EIF5: variants seen among roughly 807,000 people sequenced by gnomAD.
EIF5 encodes eukaryotic translation initiation factor 5.
In EIF5, 10 loss-of-function variants were observed where a neutral mutation model predicts 48.3. That is an observed-to-expected ratio of 0.21 (90% CI 0.13 to 0.35). The LOEUF (loss-of-function observed/expected upper bound fraction) is 0.35, where lower values mean the gene tolerates loss of function less well. EIF5 is among the 10% of genes least tolerant of loss of function. The pLI, the probability that EIF5 is intolerant of heterozygous loss-of-function variation, is 1.00. For synonymous variants in EIF5, 237 were observed against 173.1 expected, an observed-to-expected ratio of 1.37 and a Z score of -2.90; for missense variants, 397 against 533.2, an observed-to-expected ratio of 0.74 and a Z score of 2.51.
At chr14:103,339,443 A>G (rs1026683830) in intron 9 of EIF5, 110 bp downstream of exon 9, 1 of 1,446,442 alleles carries the variant, frequency 6.9e-7, no homozygotes, top group Non-Finnish European at 9.3e-7. Context: ...GGGGAAATTG[A>G]CCCACCTTAC....
At chr14:103,337,904 T>C (rs1481693744) in intron 6 of EIF5, 2 of 522,908 alleles carry the variant, frequency 3.8e-6, no homozygotes, top group African/African-American at 3.8e-5. Context: ...GAGCTTGCTA[T>C]AGCAAGAAAG....
At chr14:103,335,042 G>C (rs2089267559) in intron 2 of EIF5, 2 of 152,386 alleles carry the variant, frequency 1.3e-5, no homozygotes, top group East Asian at 1.9e-4. Context: ...GAGCGCGGTA[G>C]CCATGGGGAC....
In EIF5 at chr14:103,339,174, A is replaced by G. The variant is rs926799100; in HGVS notation, c.747A>G (p.Lys249=). 1 of 1,598,920 alleles carries G rather than the reference A, an allele frequency of 6.3e-7. No individual in the cohort carries two copies. The highest frequency in any genetic ancestry group is 1.4e-5 in the African/African-American group (1 of 73,570). ...AATTGTTTTCCTTTTCTTTGCAGAA[A>G]AAGAAAGAAGAGGGTGTTATTGATT... The part of the protein sequence containing the change: ...RVNILFDFVK[K]KKEEGVIDSS... Residue 249 remains lysine, a splice_region_variant and synonymous_variant, in exon 9 of 12, where the codon AAA becomes AAG. Coordinates refer to ENST00000216554, the MANE Select transcript of EIF5 (RefSeq NM_001969.5).
chr14:103,337,988 G>A (rs1244160547), intron 6 of EIF5: 3 of 548,776 alleles, frequency 5.5e-6, no homozygotes, highest in African/African-American at 3.8e-5. Flanking sequence ...CCACCTGTTG[G>A]CTAAAGCTGG....
Position 103,338,443 on chromosome 14 carries a change from A to T in EIF5, c.556A>T (p.Asn186Tyr). 6.3e-7 allele frequency: 1 copy of T among 1,581,170 alleles called. No individual in the cohort carries two copies. The highest frequency in any genetic ancestry group is 8.6e-7 in the Non-Finnish European group (1 of 1,162,654). Residue 186 changes from asparagine to tyrosine, a missense_variant, in exon 7 of 12, where the codon AAT becomes TAT. Physicochemically the swap from Asn to Tyr is moderately radical, Grantham distance 143. Coordinates refer to ENST00000216554, the MANE Select transcript of EIF5 (RefSeq NM_001969.5). ...SETPPPPPPPNEINPPPHTME... is the reference protein window; with the variant it reads ...SETPPPPPPPYEINPPPHTME... ...GACACCACCACCACCACCACCACCAAATGAAATTAATCCTCCTCCACATAC... is the reference window on the plus strand; with the variant it reads ...GACACCACCACCACCACCACCACCATATGAAATTAATCCTCCTCCACATAC...
chr14:103,337,955 G>T lies in EIF5; in HGVS notation c.440-372G>T, dbSNP rs759352953. The T allele has an allele frequency of 7.5e-6, 4 of 533,906 alleles. No homozygotes were observed. The African/African-American group carries it at 7.6e-5, about 10-fold the overall frequency. The allele number at this position is 533,906 out of a possible 1,614,324, so 33.1% of individuals were successfully genotyped here. A position where few individuals can be genotyped will look rare whatever the true frequency, so the allele number is the denominator to read the frequency against. ...TGTTCTCTCTCCCATGAGACAAGCC[G>T]TTATATAGACTTAAACAGTGTTCCA... On this transcript the variant is annotated intron_variant, in intron 6 of 11. Coordinates refer to ENST00000216554, the MANE Select transcript of EIF5 (RefSeq NM_001969.5).
At chr14:103,337,567 A>C (rs1025849970) in intron 6 of EIF5, 33 of 356,500 alleles carry the variant, frequency 9.3e-5, no homozygotes, top group Admixed American at 8.6e-4. Flanking sequence ...GTGCCACTGC[A>C]CTCCAGCTTG....
Position 103,341,220 on chromosome 14 carries a change from T to A in EIF5, c.*168T>A. 1 of 608,892 alleles carries A rather than the reference T, an allele frequency of 1.6e-6. No individual in the cohort carries two copies. Among genetic ancestry groups the A allele is most frequent in the African/African-American group, 1.8e-5 (1 of 54,450 alleles). The allele number at this position is 608,892 out of a possible 1,614,324, so 37.7% of individuals were successfully genotyped here. A position where few individuals can be genotyped will look rare whatever the true frequency, so the allele number is the denominator to read the frequency against. ...GTCTGTTATTAAGCCCAATGAGACA[T>A]CTAGGGAGTCCATACACATCAGTGA... On this transcript the variant is annotated 3_prime_UTR_variant, in exon 12 of 12. Transcript: ENST00000216554.
Position 103,340,545 on chromosome 14 carries a change from A to G in EIF5, c.1190A>G (p.Glu397Gly), listed in dbSNP as rs1222290102. ...TCTTCTGGTGGCGAAGAAGAAGATG[A>G]AGATGAGAACATTGAGGTAAACATT... ...EESSGGEEED[E>G]DENIEVVYSK... Residue 397 changes from glutamate to glycine, a missense_variant, in exon 11 of 12, where the codon GAA becomes GGA. Around this residue, in one of 4 missense-constraint regions of EIF5, gnomAD observed 160 missense variants for 184.8 expected, o/e 0.87. Coordinates refer to ENST00000216554, the MANE Select transcript of EIF5 (RefSeq NM_001969.5). The G allele has an allele frequency of 6.2e-7, 1 of 1,612,650 alleles. No individual in the cohort carries two copies.
rs145628757 is a variant in EIF5 at position 103,341,229 on chromosome 14, T to A, written c.*177T>A. On this transcript the variant is annotated 3_prime_UTR_variant, in exon 12 of 12. Coordinates refer to ENST00000216554, the MANE Select transcript of EIF5 (RefSeq NM_001969.5). ...TAAGCCCAATGAGACATCTAGGGAGTCCATACACATCAGTGAGCAGATGTA... is the reference window on the plus strand; with the variant it reads ...TAAGCCCAATGAGACATCTAGGGAGACCATACACATCAGTGAGCAGATGTA... 1.6e-5 allele frequency: 9 copies of A among 572,362 alleles called. No individual in the cohort carries two copies. The highest frequency in any genetic ancestry group is 2.8e-5 in the Non-Finnish European group (9 of 319,240). 35.5% of individuals were successfully genotyped at this position (572,362 alleles called of 1,614,324 possible).
rs961965646 is a variant in EIF5, at chr14:103,338,577, C to G, written c.585+105C>G. On this transcript the variant is annotated intron_variant, in intron 7 of 11. Transcript: ENST00000216554. ...TGAAACTAGCCTTCAGTGTGTAATACACTAATATTGTGGATTCCAAGTACT... is the reference window on the plus strand; with the variant it reads ...TGAAACTAGCCTTCAGTGTGTAATAGACTAATATTGTGGATTCCAAGTACT... 1.7e-5 allele frequency: 26 copies of G among 1,493,148 alleles called. No individual in the cohort carries two copies. In the African/African-American group the frequency reaches 3.4e-4, roughly 20 times the overall value. 92.5% of individuals were successfully genotyped at this position (1,493,148 alleles called of 1,614,324 possible).
At chr14:103,336,309 C>T (rs543227191) in intron 4 of EIF5, 192 bp downstream of exon 4, 126 of 660,088 alleles carry the variant, frequency 1.9e-4, no homozygotes, top group Non-Finnish European at 2.6e-4. Context: ...TGGCTGGGCG[C>T]GTTGGCTCAC....
At chr14:103,339,397 T>A (rs1374615304) in intron 9 of EIF5, 64 bp downstream of exon 9, 1 of 1,536,478 alleles carries the variant, frequency 6.5e-7, no homozygotes, top group Non-Finnish European at 8.7e-7. Context: ...GATGGTCATA[T>A]TAACCACTTT....
chr14:103,336,507 G>A (rs891752741), intron 4 of EIF5, 170 bp from the exon 5 acceptor site: 8 of 677,714 alleles, frequency 1.2e-5, no homozygotes, highest in African/African-American at 5.5e-5. Flanking sequence ...CTTGAACCCC[G>A]GAAACGGAGG....
Position 103,342,952 on chromosome 14 carries a change from C to T in EIF5, c.*1900C>T, listed in dbSNP as rs1162471788. The T allele has an allele frequency of 6.6e-6, 1 of 152,592 alleles. No homozygotes were observed. The highest frequency in any genetic ancestry group is 2.4e-5 in the African/African-American group (1 of 41,440). The allele number at this position is 152,592 out of a possible 1,614,324, so 9.5% of individuals were successfully genotyped here. A position where few individuals can be genotyped will look rare whatever the true frequency, so the allele number is the denominator to read the frequency against. On this transcript the variant is annotated 3_prime_UTR_variant, in exon 12 of 12. Coordinates refer to ENST00000216554, the MANE Select transcript of EIF5 (RefSeq NM_001969.5). ...CTATTATAAAGGTTCTACTTTTAAT[C>T]TGAGGGAAAACATGTTCAGGGCTTC...
rs566823311 is a variant in EIF5 at position 103,339,780 on chromosome 14, G to T, written c.1048G>T (p.Val350Phe). 1 of 1,614,062 alleles carries T rather than the reference G, an allele frequency of 6.2e-7. No individual in the cohort carries two copies. Among genetic ancestry groups the T allele is most frequent in the Non-Finnish European group, 8.5e-7 (1 of 1,180,024 alleles). Residue 350 changes from valine (V) to phenylalanine (F), a missense_variant, in exon 10 of 12, where the codon GTC becomes TTC. This residue lies in a region of EIF5 where 160 missense variants were observed against 184.8 expected (regional missense o/e 0.87). Coordinates refer to ENST00000216554, the MANE Select transcript of EIF5 (RefSeq NM_001969.5). Reference protein sequence around the residue: ...MYDADLLEEEVIISWSEKASK... With the variant: ...MYDADLLEEEFIISWSEKASK... ...CGATGCAGACCTTTTAGAAGAAGAG[G>T]TCATCATCAGCTGGTCGGAAAAGGT...
intron 4 of EIF5, 86 bp downstream of exon 4, chr14:103,336,203 T>C (rs1396817685): frequency 1.5e-6 from 2 of 1,301,804 alleles, no homozygotes; most frequent in Non-Finnish European, 2.1e-6. Context: ...TCTAATTGTA[T>C]GCTAGCTAAT....
rs941996187 is a variant in EIF5, at chr14:103,337,508, A to G, written c.439+281A>G. 8.9e-5 allele frequency: 34 copies of G among 383,260 alleles called. No individual in the cohort carries two copies. In the East Asian group the frequency reaches 1.9e-3, roughly 21 times the overall value. 23.7% of individuals were successfully genotyped at this position (383,260 alleles called of 1,614,324 possible). A position where few individuals can be genotyped will look rare whatever the true frequency, so the allele number is the denominator to read the frequency against. On this transcript the variant is annotated intron_variant, in intron 6 of 11. Transcript: ENST00000216554. Reference sequence around the variant, plus strand: ...TCCCAGCTACTCCGGTAGCTGAGGCATGAGCGTCGCTTGAACCTTGGAGGC... The same window carrying G: ...TCCCAGCTACTCCGGTAGCTGAGGCGTGAGCGTCGCTTGAACCTTGGAGGC...
At position 103,343,927 on chromosome 14, in the gene EIF5, C is replaced by T. The variant is rs1053216038; in HGVS notation, c.*2875C>T. On this transcript the variant is annotated 3_prime_UTR_variant, in exon 12 of 12. Coordinates refer to ENST00000216554, the MANE Select transcript of EIF5 (RefSeq NM_001969.5). ...TGACCTACCAGTATTCCGGAGTAAC[C>T]AGCAAATGCAAAGTTGACCTTGTTC... is the stretch of plus-strand genomic sequence containing the variant. 1 of 152,152 alleles carries T rather than the reference C, an allele frequency of 6.6e-6. No individual in the cohort carries two copies. The highest frequency in any genetic ancestry group is 2.4e-5 in the African/African-American group (1 of 41,430). 9.4% of individuals were successfully genotyped at this position (152,152 alleles called of 1,614,324 possible).
Sources: gnomAD v4.1 joint callset for allele counts on GRCh38, gnomAD v4.1.1 for gene constraint, gnomAD v4.1.1 regional missense constraint, MANE v1.5 for transcripts, NCBI Gene and HGNC (gene_info 2026-07-23, HGNC 2026-07-21) for gene names.